SYNE1: variants seen among roughly 807,000 people sequenced by gnomAD.
The protein encoded by SYNE1 is nesprin-1.
A neutral mutation model predicts 1,111.0 loss-of-function variants in SYNE1; 616 were observed. The observed-to-expected ratio is 0.55, with a 90% CI of 0.52 to 0.59. The LOEUF (loss-of-function observed/expected upper bound fraction) is 0.59, where lower values mean the gene tolerates loss of function less well. Ranked by LOEUF, SYNE1 falls within the 20% of genes least tolerant of loss-of-function variation. The pLI is 0.00. For missense variants in SYNE1, 10,006 were observed against 10,417.0 expected (o/e 0.96, Z 1.72); for synonymous variants, 3,855 against 3,825.8 (o/e 1.01, Z -0.28).
At position 152,385,552 on chromosome 6, in the gene SYNE1, G is replaced by A. The variant is rs1445533667; in HGVS notation, c.8652+122C>T. 2.9e-6 allele frequency: 3 copies of A among 1,051,316 alleles called. No homozygotes were observed. The East Asian group carries it at 7.6e-5, about 27-fold the overall frequency. The allele number at this position is 1,051,316 out of a possible 1,614,324, so 65.1% of individuals were successfully genotyped here. On this transcript the variant is annotated intron_variant, in intron 55 of 145. Transcript: ENST00000367255. The stretch of plus-strand genomic sequence containing the variant: ...CTTGTTTATGTGTAGAATCAGTGAG[G>A]CATCAAATAGAAAACAGGAAGGAAA...
At chr6:152,234,871 C>G in intron 110 of SYNE1, 71 bp from the exon 111 acceptor site, 1 of 1,539,554 alleles carries the variant, frequency 6.5e-7, no homozygotes, top group Non-Finnish European at 8.9e-7. Flanking sequence ...ACGTTACTCA[C>G]CAATGCCAAC....
chr6:152,235,070 A>C (rs2083686849), intron 110 of SYNE1, among the ~76,000 whole-genome samples: 1 of 152,134 alleles, frequency 6.6e-6, no homozygotes, highest in South Asian at 2.1e-4. Flanking sequence ...ATATTAGATG[A>C]TGGTTACAAA....
chr6:152,417,883 C>G (rs1266384458), intron 40 of SYNE1, among the ~76,000 whole-genome samples: 2 of 152,002 alleles, frequency 1.3e-5, no homozygotes, highest in African/African-American at 4.8e-5. Context: ...TCCACAAAAT[C>G]CATGAAGAAA....
At chr6:152,591,865 T>C (rs541152623) in intron 3 of SYNE1, among the ~76,000 whole-genome samples, 1 of 152,158 alleles carries the variant, frequency 6.6e-6, no homozygotes, top group African/African-American at 2.4e-5. Context: ...GCAAAAATCA[T>C]GAACAGACAC....
chr6:152,432,317 C>G (rs577132541), intron 34 of SYNE1, among the ~76,000 whole-genome samples: 2 of 152,206 alleles, frequency 1.3e-5, no homozygotes, highest in East Asian at 3.9e-4. Flanking sequence ...ATATTTTAAA[C>G]CTTTCCTATA....
intron 98 of SYNE1, among the ~76,000 whole-genome samples, chr6:152,271,677 A>C (rs1264811700): frequency 6.6e-6 from 1 of 152,244 alleles, no homozygotes; most frequent in Admixed American, 6.5e-5. Context: ...CCTTCTAAGA[A>C]TAAGCTCTAA....
intron 124 of SYNE1, among the ~76,000 whole-genome samples, chr6:152,208,587 C>T (rs915181144): frequency 1.3e-5 from 2 of 152,186 alleles, no homozygotes; most frequent in Non-Finnish European, 2.9e-5. Flanking sequence ...ATGATGATAT[C>T]ATCTTGTGGG....
chr6:152,189,267 T>C lies in SYNE1; in HGVS notation c.23286A>G (p.Glu7762=). The C allele has an allele frequency of 6.2e-7, 1 of 1,613,934 alleles. No homozygotes were observed. Among genetic ancestry groups the C allele is most frequent in the Non-Finnish European group, 8.5e-7 (1 of 1,179,954 alleles). ...CTTATCTTACCTGGTGGCATAGTTC[T>C]TCCCACTGCCTTTGCAGAAGCTCTA... ...ERVELLQRQW[E]ELCHQLSLRR... The change falls in exon 128 of 146, where the codon GAA becomes GAG. Residue 7762 remains glutamate (E), a synonymous_variant. Transcript: ENST00000367255.
intron 108 of SYNE1, among the ~76,000 whole-genome samples, 177 bp from the exon 109 acceptor site, chr6:152,237,125 C>T (rs2084308806): frequency 6.6e-6 from 1 of 152,084 alleles, no homozygotes; most frequent in African/African-American, 2.4e-5. Context: ...CAAATGGTGA[C>T]CCTTGAAAGC....
At chr6:152,366,599 T>C (rs1472510704) in intron 62 of SYNE1, among the ~76,000 whole-genome samples, 1 of 152,208 alleles carries the variant, frequency 6.6e-6, no homozygotes, top group African/African-American at 2.4e-5. Context: ...TCTGCACGGT[T>C]CCACTCCTGT....
intron 91 of SYNE1, among the ~76,000 whole-genome samples, chr6:152,307,952 C>A (rs956622978): frequency 2.6e-5 from 4 of 152,182 alleles, no homozygotes; most frequent in Non-Finnish European, 5.9e-5. Context: ...CCTGCCTCAA[C>A]CTCCGAAGTA....
intron 53 of SYNE1, 142 bp from the exon 54 acceptor site, chr6:152,387,523 A>G (rs568895883): frequency 4.3e-5 from 34 of 786,932 alleles, no homozygotes; most frequent in Non-Finnish European, 4.4e-5. Context: ...GAGTGCAGGG[A>G]GAAACACTAC....
At position 152,330,168 on chromosome 6, in the gene SYNE1, A is replaced by G; in HGVS notation, c.14517T>C (p.Leu4839=). 1 of 1,614,150 alleles carries G rather than the reference A, an allele frequency of 6.2e-7. No individual in the cohort carries two copies. Among genetic ancestry groups the G allele is most frequent in the Non-Finnish European group, 8.5e-7 (1 of 1,180,020 alleles). ...GIVLKRVTIH[L]EDLAPHLDPL... ...GGTCAAGGTGTGGGGCAAGATCTTCAAGATGTATGGTTACTCGTTTCAGTA... is the reference window on the plus strand; with the variant it reads ...GGTCAAGGTGTGGGGCAAGATCTTCGAGATGTATGGTTACTCGTTTCAGTA... The change falls in exon 78 of 146, where the codon CTT becomes CTC. Residue 4839 remains leucine (L), a synonymous_variant. Coordinates refer to ENST00000367255, the MANE Select transcript of SYNE1 (RefSeq NM_182961.4).
chr6:152,148,026 T>C lies in SYNE1; in HGVS notation c.24976+19A>G, dbSNP rs1182719310. 6.2e-7 allele frequency: 1 copy of C among 1,610,248 alleles called. No homozygotes were observed. The highest frequency in any genetic ancestry group is 1.7e-4 in the Middle Eastern group (1 of 6,060). On this transcript the variant is annotated intron_variant, in intron 137 of 145. Coordinates refer to ENST00000367255, the MANE Select transcript of SYNE1 (RefSeq NM_182961.4). This position sits in a 1 kb window ranked among gnomAD's most constrained non-coding sequence, Gnocchi z 4.1. ...CTGACTTTCCTTTAAGCTGGCAAAC[T>C]GGAGAGGCTCTTTCCTACCTGATAA...
At chr6:152,564,289 AG>A (rs1245522325) in intron 3 of SYNE1, among the ~76,000 whole-genome samples, 2 of 152,110 alleles carry the variant, frequency 1.3e-5, no homozygotes, top group African/African-American at 4.8e-5. Context: ...ACTCATTTAG[AG>A]TAAGAAATGT....
chr6:152,302,785 C>T (rs674724), intron 91 of SYNE1, among the ~76,000 whole-genome samples: 125,557 of 152,204 alleles, frequency 0.82, 52,444 homozygotes, highest in African/African-American at 0.95. Context: ...TTTAATTTCA[C>T]TTGCTTTTGA....
intron 4 of SYNE1, among the ~76,000 whole-genome samples, chr6:152,534,207 A>C (rs2099222045): frequency 1.0e-5 from 1 of 99,648 alleles, no homozygotes; most frequent in African/African-American, 3.2e-5. Context: ...TGAATGAATA[A>C]ATAAATAAAT....
intron 47 of SYNE1, among the ~76,000 whole-genome samples, chr6:152,400,608 GC>G (rs1563725327): frequency 6.6e-6 from 1 of 152,110 alleles, no homozygotes; most frequent in African/African-American, 2.4e-5. Flanking sequence ...GTTGCAGTGA[GC>G]CCAGATTGTG....
At position 152,369,060 on chromosome 6, in the gene SYNE1, A is replaced by G. The variant is rs56308121; in HGVS notation, c.9719T>C (p.Leu3240Pro). Residue 3240 changes from leucine (L) to proline (P), a missense_variant, in exon 61 of 146, where the codon CTG becomes CCG. Transcript: ENST00000367255. Reference sequence around the variant, plus strand: ...CTTGCTGGCAGCTTGTCCTTCCCACAGCTGCTGAGCTTTCTCTTTCAGCCT... The same window carrying G: ...CTTGCTGGCAGCTTGTCCTTCCCACGGCTGCTGAGCTTTCTCTTTCAGCCT... ...LNRLKEKAQQ[L>P]WEGQAASKSF... The G allele has an allele frequency of 2.0e-4, 325 of 1,614,204 alleles. No homozygotes were observed. The highest frequency in any genetic ancestry group is 7.1e-4 in the South Asian group (65 of 91,084).
Sources: allele counts gnomAD v4.1 joint callset (sites outside exome capture counted in the v4.1 genomes callset), GRCh38; gene constraint gnomAD v4.1.1; non-coding constraint Gnocchi (gnomAD v3.1); transcripts MANE v1.5; gene names NCBI Gene and HGNC (gene_info 2026-07-23, HGNC 2026-07-21).